HEG1: variants seen among roughly 807,000 people sequenced by gnomAD.
HEG1 encodes the protein heart development protein with EGF like domains 1, also known as protein HEG homolog 1.
A neutral mutation model predicts 125.6 loss-of-function variants in HEG1; 56 were observed. The observed-to-expected ratio is 0.45, with a 90% CI of 0.36 to 0.56. The LOEUF is 0.56. Among genes scored for constraint, HEG1 ranks in the 20% least tolerant of loss-of-function variants. The pLI is 0.00. For missense variants in HEG1, 1,523 were observed against 1,670.0 expected (o/e 0.91, Z 1.53); for synonymous variants, 644 against 668.5 (o/e 0.96, Z 0.57).
chr3:125,049,680 T>A (rs1187329007), intron 1 of HEG1, among the ~76,000 whole-genome samples: 1 of 152,164 alleles, frequency 6.6e-6, no homozygotes, highest in African/African-American at 2.4e-5. Context: ...TAAGTGGCCC[T>A]TGCATCTCTC....
At chr3:124,981,779 G>A (rs1936658572) in intron 14 of HEG1, among the ~76,000 whole-genome samples, 1 of 152,114 alleles carries the variant, frequency 6.6e-6, no homozygotes, top group South Asian at 2.1e-4. Context: ...ACTGCCTCGG[G>A]TAATGGTGGA....
chr3:125,019,679 G>T, intron 4 of HEG1, 82 bp from the exon 5 acceptor site: 1 of 1,091,590 alleles, frequency 9.2e-7, no homozygotes, highest in Non-Finnish European at 1.3e-6. Flanking sequence ...GACCTCTCTA[G>T]GGAAAGATTC....
At chr3:124,972,105 C>T (rs1936458596) in intron 16 of HEG1, 2 of 152,216 alleles carry the variant, frequency 1.3e-5, no homozygotes, top group Non-Finnish European at 2.9e-5. Context: ...GGCCAGCCTG[C>T]TATTTTTGGA....
At chr3:125,042,771 G>A (rs1021647310) in intron 1 of HEG1, among the ~76,000 whole-genome samples, 2 of 152,330 alleles carry the variant, frequency 1.3e-5, no homozygotes, top group Admixed American at 6.5e-5. Context: ...CTCCGGATGA[G>A]GGGGATTTCA....
chr3:125,045,399 C>CA (rs1200770179), intron 1 of HEG1, among the ~76,000 whole-genome samples: 2 of 152,190 alleles, frequency 1.3e-5, no homozygotes, highest in African/African-American at 4.8e-5. Flanking sequence ...TCTTGTTACA[C>CA]AATTCTAGCT....
At chr3:125,031,980 T>G (rs1266161898) in intron 1 of HEG1, among the ~76,000 whole-genome samples, 2 of 152,382 alleles carry the variant, frequency 1.3e-5, no homozygotes, top group East Asian at 3.9e-4. Flanking sequence ...AATTTCAATA[T>G]TAATATTTTA....
intron 5 of HEG1, 47 bp from the exon 6 acceptor site, chr3:125,014,037 A>G: frequency 1.3e-6 from 2 of 1,484,466 alleles, no homozygotes; most frequent in Non-Finnish European, 1.8e-6. Context: ...GAACAACAAA[A>G]CTCTGAAATA....
In HEG1 at chr3:124,966,893, C is replaced by T. The variant is rs909297238; in HGVS notation, c.*3759G>A. On this transcript the variant is annotated 3_prime_UTR_variant, in exon 17 of 17. Coordinates refer to ENST00000311127, the MANE Select transcript of HEG1 (RefSeq NM_020733.2). Reference sequence around the variant, plus strand: ...GGTGGGTGACCCAAAGGTGCCTGCTCTGGGAACTTTCACATCTGAATAGGT... The same window carrying T: ...GGTGGGTGACCCAAAGGTGCCTGCTTTGGGAACTTTCACATCTGAATAGGT... The T allele has an allele frequency of 6.6e-6, 1 of 152,200 alleles. No homozygotes were observed. Among genetic ancestry groups the T allele is most frequent in the Non-Finnish European group, 1.5e-5 (1 of 68,044 alleles). The allele number at this position is 152,200 out of a possible 1,614,324, so 9.4% of individuals were successfully genotyped here.
intron 14 of HEG1, among the ~76,000 whole-genome samples, chr3:124,986,822 T>C (rs890649910): frequency 6.6e-6 from 1 of 152,168 alleles, no homozygotes; most frequent in Non-Finnish European, 1.5e-5. Context: ...TGGAGAGGAC[T>C]TGACTTTTTC....
chr3:124,994,507 C>CT (rs547731140), intron 12 of HEG1, among the ~76,000 whole-genome samples: 4,344 of 143,776 alleles, frequency 0.03, 198 homozygotes, highest in African/African-American at 0.097. Flanking sequence ...ATGGTGGCAT[C>CT]TTTTTTTTTT....
At chr3:125,025,983 C>A (rs911784806) in intron 3 of HEG1, among the ~76,000 whole-genome samples, 8 of 152,176 alleles carry the variant, frequency 5.3e-5, no homozygotes, top group African/African-American at 1.9e-4. Context: ...TGACACAAAC[C>A]CAAACTCCTA....
intron 14 of HEG1, among the ~76,000 whole-genome samples, chr3:124,984,556 C>G (rs531467255): frequency 6.6e-6 from 1 of 151,976 alleles, no homozygotes; most frequent in Non-Finnish European, 1.5e-5. Flanking sequence ...TTCAGGAGTT[C>G]GATACCAGCC....
At chr3:125,055,497 G>C (rs1328517065) in intron 1 of HEG1, 78 bp downstream of exon 1, 8 of 998,120 alleles carry the variant, frequency 8.0e-6, no homozygotes, top group Non-Finnish European at 1.0e-5. Flanking sequence ...AGGGGCCTAC[G>C]GCTGGGGATG....
At chr3:125,050,815 T>TA (rs1472353379) in intron 1 of HEG1, among the ~76,000 whole-genome samples, 1 of 152,092 alleles carries the variant, frequency 6.6e-6, no homozygotes, top group Admixed American at 6.5e-5. Context: ...GTGACACAAA[T>TA]AGAGGCATCT....
chr3:125,009,871 C>T, intron 7 of HEG1, 47 bp from the exon 8 acceptor site: 1 of 1,569,718 alleles, frequency 6.4e-7, no homozygotes, highest in Non-Finnish European at 8.7e-7. Context: ...TAGCAAACAG[C>T]AAAACCATAA....
At position 125,055,815 on chromosome 3, in the gene HEG1, C is replaced by CCGG. The variant is rs1242084914; in HGVS notation, c.73_75dup (p.Pro25dup). ...GGCGGGTCCCGCGTCCCGGGGGCCG[C>CCGG]CGGCGGCAGCAGCAGCAGCGGCAGC... On this transcript the variant is annotated inframe_insertion, in exon 1 of 17. Transcript: ENST00000311127. The CCGG allele has an allele frequency of 4.1e-6, 4 of 979,216 alleles. No homozygotes were observed. The highest frequency in any genetic ancestry group is 1.3e-4 in the Admixed American group (2 of 15,608). The allele number at this position is 979,216 out of a possible 1,614,324, so 60.7% of individuals were successfully genotyped here.
chr3:125,013,606 T>A lies in HEG1; in HGVS notation c.1973A>T (p.Asp658Val), dbSNP rs866131170. The A allele has an allele frequency of 1.5e-6, 2 of 1,341,684 alleles. No homozygotes were observed. Among genetic ancestry groups the A allele is most frequent in the Non-Finnish European group, 2.0e-6 (2 of 1,021,436 alleles). The allele number at this position is 1,341,684 out of a possible 1,614,324, so 83.1% of individuals were successfully genotyped here. A position where few individuals can be genotyped will look rare whatever the true frequency, so the allele number is the denominator to read the frequency against. The change falls in exon 6 of 17, where the codon GAC (aspartate) becomes GTC (valine). Residue 658 changes from aspartate to valine, a missense_variant. Transcript: ENST00000311127. ...VLDTDAEFVS[D>V]SSSSSSSSSS... ...GGAGGAGGAAGAGGAGGAGGAGGAG[T>A]CACTAACAAACTCAGCATCAGTGTC...
chr3:125,007,006 C>T (rs1243617847), intron 8 of HEG1, among the ~76,000 whole-genome samples: 4 of 151,586 alleles, frequency 2.6e-5, no homozygotes, highest in Admixed American at 6.6e-5. Flanking sequence ...GAGACCATCC[C>T]GGCTAAAACG....
chr3:124,997,508 T>C (rs1936939480), intron 12 of HEG1, among the ~76,000 whole-genome samples, 181 bp downstream of exon 12: 1 of 152,228 alleles, frequency 6.6e-6, no homozygotes, highest in South Asian at 2.1e-4. Context: ...TCAAAGATAA[T>C]GCTATTATTC....
Sources: allele counts gnomAD v4.1 joint callset (sites outside exome capture counted in the v4.1 genomes callset), GRCh38; gene constraint gnomAD v4.1.1; transcripts MANE v1.5; gene names NCBI Gene and HGNC (gene_info 2026-07-23, HGNC 2026-07-21).